Variants in CCDC91 observed in about 807,000 individuals in gnomAD.
CCDC91 encodes the protein coiled-coil domain containing 91.
Under a neutral mutation model 63.2 loss-of-function variants are expected in CCDC91, and 48 were observed. The observed-to-expected ratio is 0.76, with a 90% CI of 0.60 to 0.97. The LOEUF is 0.97. Among genes scored for constraint, CCDC91 ranks in the 50% least tolerant of loss-of-function variants. The pLI is 0.00. For missense variants in CCDC91, 500 were observed against 494.6 expected (o/e 1.01, Z -0.10); for synonymous variants, 167 against 165.8 (o/e 1.01, Z -0.06).
chr12:28,548,667 G>A (rs772663704), intron 12 of CCDC91, among the ~76,000 whole-genome samples: 1 of 152,010 alleles, frequency 6.6e-6, no homozygotes, highest in Non-Finnish European at 1.5e-5. Flanking sequence ...TAAACCCTGT[G>A]TATGATGTGA....
intron 6 of CCDC91, among the ~76,000 whole-genome samples, chr12:28,340,955 T>G (rs1342883224): frequency 9.2e-5 from 14 of 152,254 alleles, no homozygotes; most frequent in Non-Finnish European, 1.6e-4. Flanking sequence ...GAAGGTAGTT[T>G]TCAGCAGATG....
intron 7 of CCDC91, among the ~76,000 whole-genome samples, chr12:28,369,113 A>G (rs1181471066): frequency 6.6e-6 from 1 of 152,116 alleles, no homozygotes; most frequent in Non-Finnish European, 1.5e-5. Context: ...GTCCCCTAAA[A>G]TCTTACCTCA....
intron 6 of CCDC91, among the ~76,000 whole-genome samples, chr12:28,342,746 T>A: frequency 6.6e-6 from 1 of 152,066 alleles, no homozygotes; most frequent in East Asian, 1.9e-4. Flanking sequence ...CTTGCAGTAA[T>A]AGTAGGGAAG....
At chr12:28,350,755 G>C (rs997372757) in intron 6 of CCDC91, among the ~76,000 whole-genome samples, 1 of 152,138 alleles carries the variant, frequency 6.6e-6, no homozygotes, top group South Asian at 2.1e-4. Flanking sequence ...CTCATGGCAC[G>C]TGACATTTAC....
At chr12:28,283,298 G>T (rs1324259746) in intron 3 of CCDC91, among the ~76,000 whole-genome samples, 1 of 151,476 alleles carries the variant, frequency 6.6e-6, no homozygotes, top group Non-Finnish European at 1.5e-5. Context: ...GATTCCTTTG[G>T]GGAGCATGGT....
intron 1 of CCDC91, chr12:28,256,910 A>G (rs1946495010): frequency 3.3e-6 from 1 of 299,382 alleles, no homozygotes; most frequent in Admixed American, 5.0e-5. Flanking sequence ...GCATTATTGA[A>G]TTGAGCTCTA....
At chr12:28,505,122 C>A (rs571819674) in intron 12 of CCDC91, among the ~76,000 whole-genome samples, 2 of 152,046 alleles carry the variant, frequency 1.3e-5, no homozygotes, top group East Asian at 2.0e-4. Context: ...ACCAGAAAAT[C>A]TTTGCCCTTC....
chr12:28,211,762 CT>C (rs551753735), intron 1 of CCDC91, among the ~76,000 whole-genome samples: 109 of 144,836 alleles, frequency 7.5e-4, no homozygotes, highest in Middle Eastern at 7.3e-3. Flanking sequence ...TTAGCCAGTT[CT>C]TTTTTTTTTT....
At chr12:28,390,965 A>C (rs372461351) in intron 7 of CCDC91, among the ~76,000 whole-genome samples, 1 of 132,214 alleles carries the variant, frequency 7.6e-6, no homozygotes. Context: ...AGCAGCTTTC[A>C]TACACTCTTC....
At chr12:28,461,445 A>C (rs887450126) in intron 11 of CCDC91, among the ~76,000 whole-genome samples, 1 of 152,106 alleles carries the variant, frequency 6.6e-6, no homozygotes, top group Non-Finnish European at 1.5e-5. Context: ...TCAAAAATCT[A>C]TCATTTTTAT....
intron 6 of CCDC91, among the ~76,000 whole-genome samples, chr12:28,353,345 G>T (rs1943307857): frequency 6.6e-6 from 1 of 152,132 alleles, no homozygotes; most frequent in Admixed American, 6.6e-5. Context: ...TATCATTTGT[G>T]TCTTCACTGG....
chr12:28,473,177 C>T (rs1262825113), intron 11 of CCDC91, among the ~76,000 whole-genome samples: 1 of 152,120 alleles, frequency 6.6e-6, no homozygotes, highest in Non-Finnish European at 1.5e-5. Context: ...TTGAGTGGTT[C>T]TTCTTATTCA....
intron 8 of CCDC91, among the ~76,000 whole-genome samples, chr12:28,437,465 T>A (rs1445755087): frequency 6.6e-6 from 1 of 152,080 alleles, no homozygotes; most frequent in South Asian, 2.1e-4. Context: ...TAAGGCTGAT[T>A]AATAACCTTT....
chr12:28,530,349 C>T lies in CCDC91; in HGVS notation c.1216-18714C>T, dbSNP rs149372938. Among the ~76,000 whole-genome samples, 349 of 152,300 alleles carry T rather than the reference C, an allele frequency of 2.3e-3. 1 individual carries two copies. Among genetic ancestry groups the T allele is most frequent in the Middle Eastern group, 6.8e-3 (2 of 294 alleles). ...ATGCAGAGGAGCTGAGGCCTCCAAC[C>T]TTCATCCAGCATCAACTACCAGATG... On this transcript the variant is annotated intron_variant, in intron 12 of 12. Transcript: ENST00000536442.
At chr12:28,518,808 C>A (rs1346456014) in intron 12 of CCDC91, among the ~76,000 whole-genome samples, 1 of 151,966 alleles carries the variant, frequency 6.6e-6, no homozygotes, top group Non-Finnish European at 1.5e-5. Context: ...AGTCCTTGAT[C>A]CATCTTGAGT....
At chr12:28,384,669 T>C (rs1187559774) in intron 7 of CCDC91, among the ~76,000 whole-genome samples, 1 of 152,120 alleles carries the variant, frequency 6.6e-6, no homozygotes, top group Non-Finnish European at 1.5e-5. Context: ...AGAAATCTGC[T>C]TTACTGGGCT....
intron 1 of CCDC91, among the ~76,000 whole-genome samples, chr12:28,253,196 C>A (rs1946237168): frequency 6.6e-6 from 1 of 152,076 alleles, no homozygotes; most frequent in East Asian, 1.9e-4. Flanking sequence ...CTGATAAGGT[C>A]CTTTTCATGG....
intron 7 of CCDC91, among the ~76,000 whole-genome samples, chr12:28,390,576 C>T (rs1945870595): frequency 1.3e-5 from 2 of 152,160 alleles, no homozygotes. Context: ...TCATCAAATG[C>T]TGATTTGGTT....
intron 3 of CCDC91, among the ~76,000 whole-genome samples, chr12:28,275,372 A>C (rs1400707431): frequency 6.6e-6 from 1 of 152,202 alleles, no homozygotes; most frequent in Admixed American, 6.6e-5. Flanking sequence ...AAAATCTAGA[A>C]GAAATGGATA....
Sources: allele counts gnomAD v4.1 joint callset (sites outside exome capture counted in the v4.1 genomes callset), GRCh38; gene constraint gnomAD v4.1.1; transcripts MANE v1.5; gene names NCBI Gene and HGNC (gene_info 2026-07-23, HGNC 2026-07-21).